PRKAR2A: variants seen among roughly 807,000 people sequenced by gnomAD.
PRKAR2A encodes cAMP-dependent protein kinase type II-alpha regulatory subunit.
A neutral mutation model predicts 51.9 loss-of-function variants in PRKAR2A; 29 were observed. That is an observed-to-expected ratio of 0.56 (90% CI 0.42 to 0.76). The LOEUF (loss-of-function observed/expected upper bound fraction) is 0.76. PRKAR2A is among the 30% of genes least tolerant of loss of function. PRKAR2A has a pLI of 0.00. For missense variants in PRKAR2A, 445 were observed against 512.1 expected, an observed-to-expected ratio of 0.87 and a Z score of 1.26; for synonymous variants, 178 against 186.2, an observed-to-expected ratio of 0.96 and a Z score of 0.36.
At chr3:48,797,174 A>G (rs1348150442) in intron 2 of PRKAR2A, among the ~76,000 whole-genome samples, 9 of 151,628 alleles carry the variant, frequency 5.9e-5, no homozygotes, top group Admixed American at 2.0e-4. Flanking sequence ...TATTATTATT[A>G]TTATATTTTT....
chr3:48,806,093 C>T (rs899679417), intron 2 of PRKAR2A, among the ~76,000 whole-genome samples: 2 of 152,190 alleles, frequency 1.3e-5, no homozygotes, highest in African/African-American at 4.8e-5. Flanking sequence ...TCAAACTAAC[C>T]TTAATCCCTA....
At chr3:48,754,597 ACCC>A (rs1177674940) in intron 9 of PRKAR2A, among the ~76,000 whole-genome samples, 1 of 150,494 alleles carries the variant, frequency 6.6e-6, no homozygotes, top group African/African-American at 2.4e-5. Flanking sequence ...ACATGGGGAA[ACCC>A]TGTCCCTACT....
chr3:48,846,820 A>G (rs1252369555), intron 1 of PRKAR2A, among the ~76,000 whole-genome samples: 1 of 152,248 alleles, frequency 6.6e-6, no homozygotes, highest in African/African-American at 2.4e-5. Flanking sequence ...GAAAGAAAAA[A>G]GGTATGGATG....
chr3:48,756,417 T>C lies in PRKAR2A; in HGVS notation c.901A>G (p.Ile301Val), dbSNP rs775458543. 1 of 1,613,994 alleles carries C rather than the reference T, an allele frequency of 6.2e-7. No homozygotes were observed. Reference protein sequence around the residue: ...QGEKADSFYIIESGEVSILIR... With the variant: ...QGEKADSFYIVESGEVSILIR... ...AAGATGCTCACTTCGCCAGACTCTATGATGTAAAAGCTATCAGCCTTTTCA... is the reference window on the plus strand; with the variant it reads ...AAGATGCTCACTTCGCCAGACTCTACGATGTAAAAGCTATCAGCCTTTTCA... Residue 301 changes from isoleucine (I) to valine (V), a missense_variant, in exon 9 of 11, where the codon ATA (isoleucine) becomes GTA (valine). Ile to Val is a conservative substitution (Grantham distance 29, BLOSUM62 3). Transcript: ENST00000265563.
In PRKAR2A at chr3:48,815,194, G is replaced by T. The variant is rs112516976; in HGVS notation, c.263-7510C>A. Among the ~76,000 whole-genome samples, 155 of 152,118 alleles carry T rather than the reference G, an allele frequency of 1.0e-3. 2 individuals carry two copies. The highest frequency in any genetic ancestry group is 1.7e-3 in the South Asian group (8 of 4,820). On this transcript the variant is annotated intron_variant, in intron 1 of 10. Coordinates refer to ENST00000265563, the MANE Select transcript of PRKAR2A (RefSeq NM_004157.4). ...CTCCCAAAGTGCTGGAATTACACGC[G>T]TTAGCCACTGCACCCAGCCTTCAAT...
At chr3:48,751,791 A>T (rs2081651993) in intron 10 of PRKAR2A, 73 bp from the exon 11 acceptor site, 1 of 1,527,800 alleles carries the variant, frequency 6.5e-7, no homozygotes, top group South Asian at 1.2e-5. Flanking sequence ...TTTCCTAAAC[A>T]TACCCATTCA....
Position 48,847,609 on chromosome 3 carries a change from C to T in PRKAR2A, c.-13G>A. 1 of 1,467,420 alleles carries T rather than the reference C, an allele frequency of 6.8e-7. No individual in the cohort carries two copies. Among genetic ancestry groups the T allele is most frequent in the South Asian group, 1.4e-5 (1 of 70,670 alleles). 90.9% of individuals were successfully genotyped at this position (1,467,420 alleles called of 1,614,324 possible). A position where few individuals can be genotyped will look rare whatever the true frequency, so the allele number is the denominator to read the frequency against. On this transcript the variant is annotated 5_prime_UTR_variant, in exon 1 of 11. Transcript: ENST00000265563. The surrounding 1 kb of genome is among the most constrained non-coding windows in gnomAD (Gnocchi z 4.4). ...GGATGTGGCTCATGCCGGCGGCGGC[C>T]GAAGGGATAGACGGGTTGGGCCGCC...
intron 1 of PRKAR2A, among the ~76,000 whole-genome samples, chr3:48,846,801 T>A (rs1005108088): frequency 2.0e-5 from 3 of 152,192 alleles, no homozygotes; most frequent in Non-Finnish European, 4.4e-5. Context: ...TTTAATACAC[T>A]TCGGCAAAGA....
At chr3:48,772,836 G>A in intron 6 of PRKAR2A, 119 bp downstream of exon 6, 1 of 1,072,816 alleles carries the variant, frequency 9.3e-7, no homozygotes. Context: ...TAGAGATGGG[G>A]TTTCACCGTG....
At chr3:48,785,168 G>A (rs2082267813) in intron 4 of PRKAR2A, among the ~76,000 whole-genome samples, 1 of 148,090 alleles carries the variant, frequency 6.8e-6, no homozygotes, top group African/African-American at 2.5e-5. Context: ...TTGGTCCACT[G>A]CAACCTCTGC....
At chr3:48,764,395 CTT>C (rs1228099370) in intron 8 of PRKAR2A, among the ~76,000 whole-genome samples, 2 of 152,150 alleles carry the variant, frequency 1.3e-5, no homozygotes, top group Non-Finnish European at 2.9e-5. Context: ...GGACAGAACT[CTT>C]TAACCTTCCC....
intron 1 of PRKAR2A, among the ~76,000 whole-genome samples, chr3:48,840,878 C>T (rs1340233154): frequency 7.4e-6 from 1 of 134,382 alleles, no homozygotes; most frequent in Non-Finnish European, 1.6e-5. Flanking sequence ...GCCTGGCCCA[C>T]CTTTTTTTTT....
chr3:48,838,102 C>T (rs1165322457), intron 1 of PRKAR2A, among the ~76,000 whole-genome samples: 1 of 152,028 alleles, frequency 6.6e-6, no homozygotes, highest in Non-Finnish European at 1.5e-5. Context: ...GGCGTGAACC[C>T]AGGAGGCGGA....
chr3:48,770,718 G>A (rs2082017616), intron 6 of PRKAR2A, among the ~76,000 whole-genome samples: 1 of 152,184 alleles, frequency 6.6e-6, no homozygotes. Context: ...AGGAAAGGAA[G>A]TCTCAGGAAA....
chr3:48,775,827 G>A (rs2082097114), intron 5 of PRKAR2A, among the ~76,000 whole-genome samples: 1 of 152,062 alleles, frequency 6.6e-6, no homozygotes, highest in South Asian at 2.1e-4. Context: ...AATGACAGAG[G>A]CTGGGTGCAG....
In PRKAR2A at chr3:48,752,916, C is replaced by CTTTTTT. The variant is rs59163654; in HGVS notation, c.940-605_940-600dup. On this transcript the variant is annotated intron_variant, in intron 9 of 10. Coordinates refer to ENST00000265563, the MANE Select transcript of PRKAR2A (RefSeq NM_004157.4). ...ACCTTAAGTTAGTGGTTCCCTCCTCCTTTTTTTTTTTTTTTTTTTTTTTTT... is the reference window on the plus strand; with the variant it reads ...ACCTTAAGTTAGTGGTTCCCTCCTCCTTTTTTTTTTTTTTTTTTTTTTTTTTTTTTT... 1.4e-3 allele frequency among the ~76,000 whole-genome samples: 66 copies of CTTTTTT among 47,556 alleles called. 2 individuals carry two copies. Among genetic ancestry groups the CTTTTTT allele is most frequent in the Non-Finnish European group, 2.0e-3 (56 of 28,400 alleles). The allele number at this position is 47,556 out of a possible 152,430, so 31.2% of individuals were successfully genotyped here.
chr3:48,806,777 CT>C (rs879915211), intron 2 of PRKAR2A, among the ~76,000 whole-genome samples: 114 of 145,578 alleles, frequency 7.8e-4, no homozygotes, highest in Middle Eastern at 3.6e-3. Flanking sequence ...GGAAAGCATT[CT>C]TTTTTTTTTT....
chr3:48,752,078 C>G (rs1027637028), intron 10 of PRKAR2A, 98 bp downstream of exon 10: 2 of 1,391,474 alleles, frequency 1.4e-6, no homozygotes, highest in Non-Finnish European at 1.9e-6. Context: ...TAGGCCTAGA[C>G]AGCAGTAAAA....
chr3:48,799,337 T>C (rs1445318378), intron 2 of PRKAR2A, among the ~76,000 whole-genome samples: 1 of 152,182 alleles, frequency 6.6e-6, no homozygotes, highest in Non-Finnish European at 1.5e-5. Context: ...AGGATCACTT[T>C]AGAAGGACAT....
Sources: gnomAD v4.1 joint callset for allele counts (sites outside exome capture counted in the v4.1 genomes callset) on GRCh38, gnomAD v4.1.1 for gene constraint, Gnocchi (gnomAD v3.1) non-coding constraint, MANE v1.5 for transcripts, NCBI Gene and HGNC (gene_info 2026-07-23, HGNC 2026-07-21) for gene names.